Variants in TMEM184B observed in about 807,000 individuals in gnomAD.
The protein encoded by TMEM184B is transmembrane protein 184B.
TMEM184B carries 17 observed loss-of-function variants against 41.8 expected under a neutral mutation model. That is an observed-to-expected ratio of 0.41 (90% confidence interval 0.28 to 0.61). The LOEUF is 0.61. TMEM184B is among the 20% of genes least tolerant of loss of function. The pLI, the probability that TMEM184B is intolerant of heterozygous loss-of-function variation, is 0.34. For missense variants in TMEM184B, 393 were observed against 557.8 expected, an observed-to-expected ratio of 0.70 and a Z score of 2.98; for synonymous variants, 240 against 229.5, an observed-to-expected ratio of 1.05 and a Z score of -0.41.
intron 1 of TMEM184B, among the ~76,000 whole-genome samples, chr22:38,254,593 C>G (rs1278686545): frequency 6.6e-6 from 1 of 152,156 alleles, no homozygotes; most frequent in Admixed American, 6.5e-5. Context: ...GAGCAAGACT[C>G]TGTCTCCAAA....
At chr22:38,245,523 A>G (rs34477777) in intron 3 of TMEM184B, among the ~76,000 whole-genome samples, 15 of 101,900 alleles carry the variant, frequency 1.5e-4, no homozygotes, top group South Asian at 7.2e-4. Flanking sequence ...CGCCAGCACT[A>G]AGAAGCGAGA....
intron 3 of TMEM184B, among the ~76,000 whole-genome samples, chr22:38,237,650 G>A (rs577978538): frequency 2.6e-5 from 4 of 152,350 alleles, no homozygotes; most frequent in African/African-American, 9.6e-5. Context: ...AGGGGCCTCA[G>A]AACGTTCTTA....
At chr22:38,263,705 A>G (rs1296589593) in intron 1 of TMEM184B, among the ~76,000 whole-genome samples, 1 of 152,260 alleles carries the variant, frequency 6.6e-6, no homozygotes, top group Non-Finnish European at 1.5e-5. Flanking sequence ...GTATAGAAAC[A>G]TCTGTAATTT....
At chr22:38,218,973 A>G (rs549779354), downstream of TMEM184B, among the ~76,000 whole-genome samples, 4 of 152,294 alleles carry the variant, frequency 2.6e-5, no homozygotes, top group South Asian at 8.3e-4. Context: ...ATCCCAGGAA[A>G]TCCTGGGAGA....
intron 8 of TMEM184B, among the ~76,000 whole-genome samples, chr22:38,224,332 T>C (rs999590602): frequency 1.3e-5 from 2 of 152,198 alleles, no homozygotes; most frequent in African/African-American, 2.4e-5. Context: ...GCCAGGATGG[T>C]CTCGATCTCC....
Position 38,225,028 on chromosome 22 carries a change from C to T in TMEM184B, c.788-49G>A. On this transcript the variant is annotated intron_variant, in intron 7 of 8. Coordinates refer to ENST00000361906, the MANE Select transcript of TMEM184B (RefSeq NM_012264.5). The surrounding 1 kb of genome is among the most constrained non-coding windows in gnomAD (Gnocchi z 4.4). ...TGGACCCAGAATGATTCCTTTCCTG[C>T]TCCCCCTTCTTCCACAATGCCCCAT... is the stretch of plus-strand genomic sequence containing the variant. 6.7e-7 allele frequency: 1 copy of T among 1,485,538 alleles called. No homozygotes were observed. The allele number at this position is 1,485,538 out of a possible 1,614,324, so 92.0% of individuals were successfully genotyped here.
chr22:38,217,732 G>C (rs962016140), downstream of TMEM184B, among the ~76,000 whole-genome samples: 5 of 149,352 alleles, frequency 3.3e-5, no homozygotes, highest in Admixed American at 6.8e-5. Flanking sequence ...AGGAGGTTGA[G>C]ACAAGAGAGA....
chr22:38,228,717 T>C (rs1309799539), intron 5 of TMEM184B, among the ~76,000 whole-genome samples: 1 of 152,164 alleles, frequency 6.6e-6, no homozygotes, highest in Non-Finnish European at 1.5e-5. Flanking sequence ...GTGTGCTCTC[T>C]CGCCCTGGTA....
intron 1 of TMEM184B, among the ~76,000 whole-genome samples, chr22:38,266,759 T>A (rs1266240004): frequency 6.6e-6 from 1 of 152,232 alleles, no homozygotes; most frequent in Non-Finnish European, 1.5e-5. Context: ...TTTATTCTTA[T>A]CCCCAATCTT....
chr22:38,221,343 T>C lies in TMEM184B; in HGVS notation c.*126A>G. The stretch of plus-strand genomic sequence containing the variant: ...TCTGGAAGTGACATGTGAGTGTTTC[T>C]GGTCCAATAAATAAAGGCGGCGTGA... On this transcript the variant is annotated 3_prime_UTR_variant, in exon 9 of 9. Transcript: ENST00000361906. 3 of 1,459,720 alleles carry C rather than the reference T, an allele frequency of 2.1e-6. No individual in the cohort carries two copies. The highest frequency in any genetic ancestry group is 2.7e-6 in the Non-Finnish European group (3 of 1,111,782). 90.4% of individuals were successfully genotyped at this position (1,459,720 alleles called of 1,614,324 possible). A position where few individuals can be genotyped will look rare whatever the true frequency, so the allele number is the denominator to read the frequency against.
chr22:38,235,697 C>A (rs1211292516), intron 3 of TMEM184B, among the ~76,000 whole-genome samples: 1 of 152,230 alleles, frequency 6.6e-6, no homozygotes, highest in Non-Finnish European at 1.5e-5. Flanking sequence ...CCCCACTGAC[C>A]AACTGGACAC....
At chr22:38,272,597 G>A (rs2145807855) in intron 1 of TMEM184B, 3 of 985,548 alleles carry the variant, frequency 3.0e-6, no homozygotes, top group Middle Eastern at 1.0e-3. Flanking sequence ...GCCGCCCCCC[G>A]GACAGGTCCG....
chr22:38,241,599 TTCAGTGCCAGGCACGGTGC>T (rs1019920980), intron 3 of TMEM184B, among the ~76,000 whole-genome samples: 1 of 151,484 alleles, frequency 6.6e-6, no homozygotes, highest in Non-Finnish European at 1.5e-5. Flanking sequence ...GACCTGTCTC[TTCAGTGCCAGGCACGGTGC>T]TCATGCCTGT....
Position 38,246,936 on chromosome 22 carries a change from TTGGACGCAAA to T in TMEM184B, c.192+824_192+833del, listed in dbSNP as rs981326903. On this transcript the variant is annotated intron_variant, in intron 2 of 8. Transcript: ENST00000361906. ...CTCCATCTGCTATGAGCCAAAAGCCTTGGACGCAAATGGGTTCTAAAAGGGATGGGGACAC... is the reference window on the plus strand; with the variant it reads ...CTCCATCTGCTATGAGCCAAAAGCCTTGGGTTCTAAAAGGGATGGGGACAC... 2.0e-4 allele frequency: 241 copies of T among 1,233,364 alleles called. 2 individuals are homozygous for T. Among genetic ancestry groups the T allele is most frequent in the Middle Eastern group, 8.9e-4 (4 of 4,478 alleles). 76.4% of individuals were successfully genotyped at this position (1,233,364 alleles called of 1,614,324 possible).
At position 38,239,933 on chromosome 22, in the gene TMEM184B, G is replaced by A. The variant is rs1008255919; in HGVS notation, c.358+6002C>T. On this transcript the variant is annotated intron_variant, in intron 3 of 8. Transcript: ENST00000361906. The surrounding 1 kb of genome is among the most constrained non-coding windows in gnomAD (Gnocchi z 4.6). Reference sequence around the variant, plus strand: ...CCCATGTTCCATCACCCAATCAGGAGGTCCAGCAATTTTTTTTTTTTCTGG... The same window carrying A: ...CCCATGTTCCATCACCCAATCAGGAAGTCCAGCAATTTTTTTTTTTTCTGG... 3.3e-5 allele frequency among the ~76,000 whole-genome samples: 5 copies of A among 151,962 alleles called. No individual in the cohort carries two copies. Among genetic ancestry groups the A allele is most frequent in the African/African-American group, 1.2e-4 (5 of 41,324 alleles).
In TMEM184B at chr22:38,221,733, G is replaced by A. The variant is rs976033234; in HGVS notation, c.983-23C>T. On this transcript the variant is annotated intron_variant, in intron 8 of 8. Coordinates refer to ENST00000361906, the MANE Select transcript of TMEM184B (RefSeq NM_012264.5). ...GGCCTGCCGGGCAGGGAGCGGGAGG[G>A]GCAGGTGAGGAGGCTGGGACGGTGA... The A allele has an allele frequency of 5.6e-6, 9 of 1,611,242 alleles. No homozygotes were observed. The East Asian group carries it at 8.9e-5, about 16-fold the overall frequency.
At position 38,272,891 on chromosome 22, in the gene TMEM184B, G is replaced by T; in HGVS notation, c.-66C>A. On this transcript the variant is annotated 5_prime_UTR_variant, in exon 1 of 9. Transcript: ENST00000361906. The stretch of plus-strand genomic sequence containing the variant: ...GCCGGCCAGGCGGGATACCTCAGGA[G>T]CCCATGGCGGTGGCGGCGTCTGCGG... 1 of 823,368 alleles carries T rather than the reference G, an allele frequency of 1.2e-6. No homozygotes were observed. The highest frequency in any genetic ancestry group is 1.5e-6 in the Non-Finnish European group (1 of 682,100). The allele number at this position is 823,368 out of a possible 1,614,324, so 51.0% of individuals were successfully genotyped here.
intron 1 of TMEM184B, among the ~76,000 whole-genome samples, chr22:38,249,180 C>T (rs1269878750): frequency 3.9e-5 from 6 of 152,208 alleles, no homozygotes; most frequent in Non-Finnish European, 7.3e-5. Context: ...CACAGGGTCT[C>T]GCTCTGTTGC....
chr22:38,221,065 G>A lies in TMEM184B; in HGVS notation c.*404C>T, dbSNP rs943748837. ...TCAGACAGGGTATTGCACGGTGTGTGGGGGAGCCACGGCTTGCCGACCTCA... is the reference window on the plus strand; with the variant it reads ...TCAGACAGGGTATTGCACGGTGTGTAGGGGAGCCACGGCTTGCCGACCTCA... On this transcript the variant is annotated 3_prime_UTR_variant, in exon 9 of 9. Coordinates refer to ENST00000361906, the MANE Select transcript of TMEM184B (RefSeq NM_012264.5). 1 of 1,057,442 alleles carries A rather than the reference G, an allele frequency of 9.5e-7. No homozygotes were observed. Among genetic ancestry groups the A allele is most frequent in the Non-Finnish European group, 1.1e-6 (1 of 874,872 alleles). The allele number at this position is 1,057,442 out of a possible 1,614,324, so 65.5% of individuals were successfully genotyped here.
Sources: gnomAD v4.1 joint callset for allele counts (sites outside exome capture counted in the v4.1 genomes callset) on GRCh38, gnomAD v4.1.1 for gene constraint, Gnocchi (gnomAD v3.1) non-coding constraint, MANE v1.5 for transcripts, NCBI Gene and HGNC (gene_info 2026-07-23, HGNC 2026-07-21) for gene names.